TAFA1: variants seen among roughly 807,000 people sequenced by gnomAD.
TAFA1 encodes the protein TAFA chemokine like family member 1.
In TAFA1, 4 loss-of-function variants were observed where a neutral mutation model predicts 18.5. That is an observed-to-expected ratio of 0.22 (90% confidence interval 0.11 to 0.49). The LOEUF (loss-of-function observed/expected upper bound fraction) is 0.49, where lower values mean the gene tolerates loss of function less well. TAFA1 is among the 20% of genes least tolerant of loss of function. The probability of loss-of-function intolerance (pLI) is 0.98; values close to 1 mark genes in which losing one functional copy is unlikely to be tolerated. For synonymous variants in TAFA1, 56 were observed against 55.2 expected (o/e 1.01, Z -0.06); for missense variants, 147 against 169.0 (o/e 0.87, Z 0.72).
intron 2 of TAFA1, among the ~76,000 whole-genome samples, chr3:68,270,644 CAAG>C: frequency 6.6e-6 from 1 of 152,154 alleles, no homozygotes; most frequent in Non-Finnish European, 1.5e-5. Flanking sequence ...CTTCCAAACT[CAAG>C]TACCCTTCCT....
At chr3:68,365,736 A>T (rs262178) in intron 2 of TAFA1, among the ~76,000 whole-genome samples, 91,028 of 152,014 alleles carry the variant, frequency 0.6, 28,130 homozygotes, top group East Asian at 1. Flanking sequence ...AAGGCACATA[A>T]TACATGATAG....
intron 2 of TAFA1, among the ~76,000 whole-genome samples, chr3:68,292,236 A>G (rs2068120961): frequency 6.6e-6 from 1 of 152,100 alleles, no homozygotes; most frequent in African/African-American, 2.4e-5. Context: ...GATTTAAGGA[A>G]GGACAAGGCA....
chr3:68,081,039 C>T (rs1297851031), intron 2 of TAFA1, among the ~76,000 whole-genome samples: 2 of 152,018 alleles, frequency 1.3e-5, no homozygotes, highest in Non-Finnish European at 2.9e-5. Context: ...TCTAAACTTC[C>T]CTTCTTGCTT....
rs147183216 is a variant in TAFA1, at chr3:68,452,820, T to G, written c.259+35400T>G. ...GTGTTTCTGACATTTACAAAGTGTC[T>G]GGCAAGCTTTGGGCAATCATTATTT... is the stretch of plus-strand genomic sequence containing the variant. On this transcript the variant is annotated intron_variant, in intron 3 of 4. Transcript: ENST00000478136. Among the ~76,000 whole-genome samples, 480 of 152,314 alleles carry G rather than the reference T, an allele frequency of 3.2e-3. 4 individuals carry two copies. The highest frequency in any genetic ancestry group is 0.011 in the African/African-American group (449 of 41,578).
chr3:68,145,433 G>C (rs1436143823), intron 2 of TAFA1: 1 of 846,576 alleles, frequency 1.2e-6, no homozygotes, highest in Non-Finnish European at 2.1e-6. Flanking sequence ...TATAGAAGAG[G>C]CTGTGAAAGG....
At chr3:68,126,142 C>T (rs535710972) in intron 2 of TAFA1, among the ~76,000 whole-genome samples, 2 of 152,266 alleles carry the variant, frequency 1.3e-5, no homozygotes, top group East Asian at 1.9e-4. Flanking sequence ...CAAAGTAAGA[C>T]ATAAACTGCT....
intron 2 of TAFA1, among the ~76,000 whole-genome samples, chr3:68,095,215 G>T (rs1446168698): frequency 1.3e-5 from 2 of 152,050 alleles, no homozygotes; most frequent in South Asian, 2.1e-4. Flanking sequence ...CCACTTACAA[G>T]TTCTCTCATT....
At chr3:68,264,226 C>T (rs748089473) in intron 2 of TAFA1, among the ~76,000 whole-genome samples, 3 of 152,084 alleles carry the variant, frequency 2.0e-5, no homozygotes, top group Non-Finnish European at 4.4e-5. Flanking sequence ...GCCAAGATCA[C>T]ACCACCGCAC....
At chr3:68,072,075 A>G (rs1023649888) in intron 2 of TAFA1, among the ~76,000 whole-genome samples, 1 of 152,224 alleles carries the variant, frequency 6.6e-6, no homozygotes, top group African/African-American at 2.4e-5. Flanking sequence ...TAAATAGACC[A>G]ATGCCTGTAA....
At chr3:68,480,682 T>G (rs1395835984) in intron 3 of TAFA1, among the ~76,000 whole-genome samples, 1 of 152,138 alleles carries the variant, frequency 6.6e-6, no homozygotes, top group Non-Finnish European at 1.5e-5. Context: ...AGAAATCCAG[T>G]TGTCAGTAGC....
intron 2 of TAFA1, among the ~76,000 whole-genome samples, chr3:68,151,468 A>G (rs1205484912): frequency 1.3e-5 from 2 of 152,172 alleles, no homozygotes; most frequent in Non-Finnish European, 2.9e-5. Flanking sequence ...AGTAATTCAT[A>G]CAGAAAAGAA....
At chr3:68,378,914 C>T (rs1170270676) in intron 2 of TAFA1, among the ~76,000 whole-genome samples, 2 of 152,150 alleles carry the variant, frequency 1.3e-5, no homozygotes, top group Non-Finnish European at 2.9e-5. Context: ...TTCTAAGTTT[C>T]CTAAGACCTC....
intron 2 of TAFA1, among the ~76,000 whole-genome samples, chr3:68,409,108 C>T (rs1271578488): frequency 6.6e-6 from 1 of 152,132 alleles, no homozygotes; most frequent in Non-Finnish European, 1.5e-5. Flanking sequence ...AGGAAGGCCA[C>T]CACAGCAATA....
At chr3:68,017,420 T>C (rs1575575591) in intron 2 of TAFA1, among the ~76,000 whole-genome samples, 1 of 152,344 alleles carries the variant, frequency 6.6e-6, no homozygotes, top group East Asian at 1.9e-4. Context: ...CTTAGGTTAA[T>C]CAGTCACAGC....
At chr3:68,379,922 C>T (rs1031654217) in intron 2 of TAFA1, among the ~76,000 whole-genome samples, 1 of 151,968 alleles carries the variant, frequency 6.6e-6, no homozygotes, top group African/African-American at 2.4e-5. Flanking sequence ...CCCCTTCCCC[C>T]CACCCCACAA....
intron 2 of TAFA1, among the ~76,000 whole-genome samples, chr3:68,090,158 T>G (rs1161992997): frequency 1.3e-5 from 2 of 152,174 alleles, no homozygotes; most frequent in Non-Finnish European, 2.9e-5. Context: ...GACAGCTGAG[T>G]TGTCATTGGT....
chr3:68,263,692 G>T (rs992651286), intron 2 of TAFA1, among the ~76,000 whole-genome samples: 3 of 152,002 alleles, frequency 2.0e-5, no homozygotes, highest in Non-Finnish European at 2.9e-5. Context: ...CACCTATCTT[G>T]TCTCTCAATC....
intron 2 of TAFA1, among the ~76,000 whole-genome samples, chr3:68,126,766 A>T (rs1306062769): frequency 6.6e-6 from 1 of 152,212 alleles, no homozygotes; most frequent in African/African-American, 2.4e-5. Context: ...TGGACATTCA[A>T]TTGGCCACAC....
chr3:68,122,032 C>T (rs139370394), intron 2 of TAFA1, among the ~76,000 whole-genome samples: 32 of 152,198 alleles, frequency 2.1e-4, no homozygotes, highest in African/African-American at 6.0e-4. Flanking sequence ...TGTTCTTTTA[C>T]GTTCACAGCT....
Sources: allele counts gnomAD v4.1 joint callset (sites outside exome capture counted in the v4.1 genomes callset), GRCh38; gene constraint gnomAD v4.1.1; transcripts MANE v1.5; gene names NCBI Gene and HGNC (gene_info 2026-07-23, HGNC 2026-07-21).